The following MAGI2 variants were observed in gnomAD, a reference collection of about 807,000 sequenced individuals.
The protein encoded by MAGI2 is membrane-associated guanylate kinase, WW and PDZ domain-containing protein 2.
MAGI2 carries 35 observed loss-of-function variants against 133.3 expected under a neutral mutation model. The ratio of observed to expected loss-of-function variants is 0.26; its 90% CI spans 0.20 to 0.35. The LOEUF is 0.35. MAGI2 is among the 10% of genes least tolerant of loss of function. The pLI, the probability that MAGI2 is intolerant of heterozygous loss-of-function variation, is 1.00. For synonymous variants in MAGI2, 729 were observed against 710.6 expected, an observed-to-expected ratio of 1.03 and a Z score of -0.41; for missense variants, 1,636 against 1,863.4, an observed-to-expected ratio of 0.88 and a Z score of 2.25.
At chr7:79,342,796 G>T (rs1327233386) in intron 1 of MAGI2, among the ~76,000 whole-genome samples, 2 of 151,836 alleles carry the variant, frequency 1.3e-5, no homozygotes, top group Admixed American at 6.6e-5. Flanking sequence ...TTTCGCTTTT[G>T]TTGCCCAAGG....
intron 21 of MAGI2, among the ~76,000 whole-genome samples, chr7:78,070,630 G>A (rs190125413): frequency 0.49 from 67,115 of 135,942 alleles, 17,114 homozygotes; most frequent in East Asian, 0.66. Flanking sequence ...GTGTGTGTGT[G>A]TATATATATA....
At chr7:79,287,158 T>C (rs578012199) in intron 1 of MAGI2, among the ~76,000 whole-genome samples, 7 of 152,168 alleles carry the variant, frequency 4.6e-5, no homozygotes, top group African/African-American at 1.4e-4. Context: ...TTATTTAAAA[T>C]ATGCAATCTC....
At chr7:79,202,258 T>C (rs115520012) in intron 1 of MAGI2, among the ~76,000 whole-genome samples, 3,549 of 151,986 alleles carry the variant, frequency 0.023, 174 homozygotes, top group African/African-American at 0.081. Flanking sequence ...ATTTTGATTA[T>C]CTACCAAGAC....
chr7:78,885,464 T>TA (rs1796189592), intron 2 of MAGI2, among the ~76,000 whole-genome samples: 2 of 152,318 alleles, frequency 1.3e-5, no homozygotes, highest in South Asian at 4.1e-4. Context: ...GGCTTTATAC[T>TA]GTGCTAAGGC....
intron 2 of MAGI2, among the ~76,000 whole-genome samples, chr7:78,726,054 AATATT>A (rs772028837): frequency 1.6e-4 from 25 of 152,314 alleles, no homozygotes; most frequent in East Asian, 1.2e-3. Flanking sequence ...AATTGAAGTT[AATATT>A]ATATTAAATT....
chr7:78,948,996 A>C (rs2151697706), intron 2 of MAGI2, among the ~76,000 whole-genome samples: 1 of 152,220 alleles, frequency 6.6e-6, no homozygotes, highest in South Asian at 2.1e-4. Flanking sequence ...ATCAGTCACA[A>C]AGAAAGTTCA....
intron 2 of MAGI2, among the ~76,000 whole-genome samples, chr7:78,755,421 A>G (rs1327871028): frequency 6.6e-6 from 1 of 152,214 alleles, no homozygotes; most frequent in Admixed American, 6.5e-5. Context: ...AATTCTATGA[A>G]AATTTTTTTG....
intron 2 of MAGI2, among the ~76,000 whole-genome samples, chr7:78,664,556 T>C (rs1333857730): frequency 6.6e-6 from 1 of 152,034 alleles, no homozygotes; most frequent in East Asian, 1.9e-4. Context: ...TTTTCTACTT[T>C]TGAATAATTT....
At chr7:78,525,247 C>G (rs1468774) in intron 3 of MAGI2, among the ~76,000 whole-genome samples, 97,502 of 151,944 alleles carry the variant, frequency 0.64, 32,392 homozygotes, top group African/African-American at 0.83. Context: ...ATAAAGGAAG[C>G]ACATAAATAA....
intron 1 of MAGI2, among the ~76,000 whole-genome samples, chr7:79,038,284 T>C (rs895446839): frequency 6.6e-6 from 1 of 152,208 alleles, no homozygotes; most frequent in Non-Finnish European, 1.5e-5. Context: ...ACAGAGATGG[T>C]TCACCAGTTT....
intron 10 of MAGI2, among the ~76,000 whole-genome samples, chr7:78,233,561 C>A (rs1790202619): frequency 1.3e-5 from 2 of 151,940 alleles, no homozygotes; most frequent in African/African-American, 4.8e-5. Flanking sequence ...AATGTAGGCC[C>A]ATACTTGGAT....
chr7:78,160,335 T>C (rs564560901), intron 15 of MAGI2, 62 bp from the exon 16 acceptor site: 3 of 1,495,942 alleles, frequency 2.0e-6, no homozygotes, highest in South Asian at 2.8e-5. Context: ...GAATGCTTCC[T>C]ATGTACTAGG....
rs187838261 is a variant in MAGI2 at position 78,679,672 on chromosome 7, C to A, written c.419-52433G>T. Reference sequence around the variant, plus strand: ...TGACTTCCAAAGAGAAAATGCTATTCTGGAGTTTACACGTAGAAAAGACAG... The same window carrying A: ...TGACTTCCAAAGAGAAAATGCTATTATGGAGTTTACACGTAGAAAAGACAG... On this transcript the variant is annotated intron_variant, in intron 2 of 21. Coordinates refer to ENST00000354212, the MANE Select transcript of MAGI2 (RefSeq NM_012301.4). Among the ~76,000 whole-genome samples the A allele has an allele frequency of 8.1e-4, 123 of 152,232 alleles. 1 individual carries two copies. Among genetic ancestry groups the A allele is most frequent in the African/African-American group, 2.8e-3 (116 of 41,564 alleles).
intron 1 of MAGI2, among the ~76,000 whole-genome samples, chr7:79,385,020 GT>G (rs1049257546): frequency 4.1e-4 from 62 of 151,656 alleles, no homozygotes; most frequent in Admixed American, 1.1e-3. Context: ...TCCATGGAAG[GT>G]TAAAGAAAAT....
intron 1 of MAGI2, among the ~76,000 whole-genome samples, chr7:79,375,249 T>G (rs898915062): frequency 2.0e-5 from 3 of 151,990 alleles, no homozygotes; most frequent in Non-Finnish European, 4.4e-5. Context: ...CTGTAGAGCC[T>G]ACAGTCCCAT....
intron 4 of MAGI2, among the ~76,000 whole-genome samples, chr7:78,511,514 T>A (rs1795563027): frequency 6.7e-6 from 1 of 148,518 alleles, no homozygotes; most frequent in Non-Finnish European, 1.5e-5. Flanking sequence ...TATAGTGACT[T>A]TTTTTTGCTC....
chr7:78,748,431 G>A (rs551552135), intron 2 of MAGI2, among the ~76,000 whole-genome samples: 7 of 152,280 alleles, frequency 4.6e-5, no homozygotes, highest in African/African-American at 1.2e-4. Context: ...TCTGTCTTAT[G>A]AGCGCAGTCC....
chr7:78,230,161 A>T (rs1043259049), intron 10 of MAGI2, among the ~76,000 whole-genome samples: 1 of 152,272 alleles, frequency 6.6e-6, no homozygotes, highest in African/African-American at 2.4e-5. Context: ...ATGCCTGATA[A>T]GGCAGAGCAG....
At chr7:79,311,810 C>T (rs1020867889) in intron 1 of MAGI2, among the ~76,000 whole-genome samples, 1 of 152,130 alleles carries the variant, frequency 6.6e-6, no homozygotes. Context: ...GAGCCTTTCC[C>T]ATCTCAGTAA....
Sources: allele counts gnomAD v4.1 joint callset (sites outside exome capture counted in the v4.1 genomes callset), GRCh38; gene constraint gnomAD v4.1.1; transcripts MANE v1.5; gene names NCBI Gene and HGNC (gene_info 2026-07-23, HGNC 2026-07-21).